The following POC1B variants were observed in gnomAD, a reference collection of about 807,000 sequenced individuals.
POC1B encodes POC1 centriolar protein homolog B.
A neutral mutation model predicts 60.6 loss-of-function variants in POC1B; 44 were observed. That is an observed-to-expected ratio of 0.73 (90% CI 0.57 to 0.93). The LOEUF is 0.93. POC1B is among the 40% of genes least tolerant of loss of function. POC1B has a pLI of 0.00. For missense variants in POC1B, 555 were observed against 572.3 expected (o/e 0.97, Z 0.31); for synonymous variants, 180 against 198.9 (o/e 0.90, Z 0.80).
At position 89,473,738 on chromosome 12, in the gene POC1B, C is replaced by T. The variant is rs73445488; in HGVS notation, c.453-1463G>A. Among the ~76,000 whole-genome samples, 1,417 of 150,758 alleles carry T rather than the reference C, an allele frequency of 9.4e-3. 13 individuals carry two copies. The highest frequency in any genetic ancestry group is 0.032 in the African/African-American group (1,322 of 41,054). On this transcript the variant is annotated intron_variant, in intron 4 of 11. Coordinates refer to ENST00000313546, the MANE Select transcript of POC1B (RefSeq NM_172240.3). ...AATTTTCCATGCTGGGTAGTTTACC[C>T]TGATTTTACAGTAAGTAAAAATTTA...
intron 2 of POC1B, among the ~76,000 whole-genome samples, chr12:89,507,262 G>A (rs1869946121): frequency 1.7e-5 from 1 of 58,018 alleles, no homozygotes; most frequent in African/African-American, 6.6e-5. Context: ...GCAAGGCCCT[G>A]TCTCAAAAAA....
intron 10 of POC1B, among the ~76,000 whole-genome samples, chr12:89,453,908 C>T (rs1882156108): frequency 6.6e-6 from 1 of 152,198 alleles, no homozygotes; most frequent in Non-Finnish European, 1.5e-5. Context: ...AGATAGTATA[C>T]ACCATATGAC....
intron 2 of POC1B, among the ~76,000 whole-genome samples, chr12:89,504,306 C>T (rs1310853603): frequency 2.6e-5 from 4 of 152,180 alleles, no homozygotes; most frequent in Admixed American, 1.3e-4. Context: ...TGACCTTGCC[C>T]CCAACCCTGT....
chr12:89,514,402 C>CTTTTTTTTTTTTTTTTTTTTTTTTTTTT (rs60679774), intron 2 of POC1B, among the ~76,000 whole-genome samples: 1 of 67,088 alleles, frequency 1.5e-5, no homozygotes, highest in African/African-American at 6.0e-5. Context: ...TCATGTATTT[C>CTTTTTTTTTTTTTTTTTTTTTTTTTTTT]TTTTTTTTTT....
chr12:89,451,906 C>T (rs1219143537), intron 10 of POC1B, among the ~76,000 whole-genome samples: 1 of 152,124 alleles, frequency 6.6e-6, no homozygotes, highest in Non-Finnish European at 1.5e-5. Flanking sequence ...TCCAACAGCC[C>T]CACAAATGGC....
At chr12:89,417,217 T>A (rs1251265880), downstream of POC1B, among the ~76,000 whole-genome samples, 1 of 152,206 alleles carries the variant, frequency 6.6e-6, no homozygotes, top group African/African-American at 2.4e-5. Context: ...GGGAGCCCAT[T>A]ACACTGAGGC....
At chr12:89,443,955 AT>A (rs1353568982) in intron 10 of POC1B, among the ~76,000 whole-genome samples, 8 of 152,142 alleles carry the variant, frequency 5.3e-5, no homozygotes, top group African/African-American at 1.9e-4. Context: ...ACAAACTACC[AT>A]CAGAAAATAA....
intron 4 of POC1B, among the ~76,000 whole-genome samples, chr12:89,481,361 A>C (rs564908271): frequency 2.8e-4 from 43 of 152,306 alleles, no homozygotes; most frequent in South Asian, 2.7e-3. Flanking sequence ...ATATGAAGCA[A>C]CTGTTTTTAG....
intron 10 of POC1B, among the ~76,000 whole-genome samples, chr12:89,433,503 C>T (rs1881125912): frequency 6.6e-6 from 1 of 152,078 alleles, no homozygotes; most frequent in African/African-American, 2.4e-5. Flanking sequence ...CCCAGGTTGG[C>T]ATTTTTCTAG....
At chr12:89,424,881 A>G (rs1880692259) in intron 11 of POC1B, among the ~76,000 whole-genome samples, 1 of 152,230 alleles carries the variant, frequency 6.6e-6, no homozygotes, top group Non-Finnish European at 1.5e-5. Flanking sequence ...CATACTAACC[A>G]GAAATGGTTA....
intron 10 of POC1B, among the ~76,000 whole-genome samples, chr12:89,454,368 A>G (rs1044544949): frequency 2.0e-5 from 3 of 152,164 alleles, no homozygotes; most frequent in Non-Finnish European, 4.4e-5. Flanking sequence ...GGGTCAAGCC[A>G]GTATTGCCTC....
At chr12:89,486,878 C>A (rs1173315449) in intron 4 of POC1B, among the ~76,000 whole-genome samples, 3 of 151,518 alleles carry the variant, frequency 2.0e-5, no homozygotes, top group African/African-American at 7.3e-5. Flanking sequence ...TTTTTAAAAA[C>A]TCTCTCTTTC....
intron 10 of POC1B, among the ~76,000 whole-genome samples, chr12:89,431,546 A>G (rs2120679396): frequency 1.3e-5 from 2 of 152,360 alleles, no homozygotes; most frequent in African/African-American, 4.8e-5. Context: ...GGACAAAAAT[A>G]AAAGCAAATA....
chr12:89,407,812 T>C, the POC1B span, among the ~76,000 whole-genome samples: 2 of 142,062 alleles, frequency 1.4e-5, no homozygotes, highest in Non-Finnish European at 3.0e-5. Context: ...CTAGGATTTA[T>C]TATTATTATT....
chr12:89,427,188 A>G (rs1880801707), intron 10 of POC1B: 1 of 152,262 alleles, frequency 6.6e-6, no homozygotes, highest in Non-Finnish European at 1.5e-5. Context: ...CACTGACATA[A>G]GAATAGACAT....
chr12:89,419,414 C>T (rs73211616), downstream of POC1B, among the ~76,000 whole-genome samples: 12,780 of 152,178 alleles, frequency 0.084, 543 homozygotes, highest in Non-Finnish European at 0.098. Flanking sequence ...ATTTTTGTAT[C>T]ACTTATAAAG....
At chr12:89,494,680 G>A in intron 3 of POC1B, among the ~76,000 whole-genome samples, 1 of 152,132 alleles carries the variant, frequency 6.6e-6, no homozygotes, top group Non-Finnish European at 1.5e-5. Context: ...CAAGTTTTGG[G>A]CCTAGTTCTT....
At chr12:89,406,493 A>G in the POC1B span, among the ~76,000 whole-genome samples, 1 of 152,184 alleles carries the variant, frequency 6.6e-6, no homozygotes, top group Admixed American at 6.5e-5. Flanking sequence ...AACTTAAACT[A>G]AAGGAGGCAG....
chr12:89,449,383 G>A (rs1881941492), intron 10 of POC1B, among the ~76,000 whole-genome samples: 1 of 152,124 alleles, frequency 6.6e-6, no homozygotes, highest in South Asian at 2.1e-4. Flanking sequence ...TTGATTTACT[G>A]AAACACTGAG....
Sources: gnomAD v4.1 joint callset for allele counts (sites outside exome capture counted in the v4.1 genomes callset) on GRCh38, gnomAD v4.1.1 for gene constraint, MANE v1.5 for transcripts, NCBI Gene and HGNC (gene_info 2026-07-23, HGNC 2026-07-21) for gene names.